CLEC16A: variants seen among roughly 807,000 people sequenced by gnomAD.
CLEC16A encodes C-type lectin domain containing 16A.
A neutral mutation model predicts 109.5 loss-of-function variants in CLEC16A; 51 were observed. That is an observed-to-expected ratio of 0.47 (90% confidence interval 0.37 to 0.59). The LOEUF is 0.59. CLEC16A is among the 20% of genes least tolerant of loss of function. The pLI is 0.00. For synonymous variants in CLEC16A, 673 were observed against 564.2 expected (o/e 1.19, Z -2.73); for missense variants, 1,339 against 1,394.0 (o/e 0.96, Z 0.63).
chr16:11,118,348 C>T (rs1009215914), intron 19 of CLEC16A, among the ~76,000 whole-genome samples: 2 of 143,044 alleles, frequency 1.4e-5, no homozygotes, highest in African/African-American at 2.7e-5. Flanking sequence ...TCATTTAACG[C>T]ACCAAACAAT....
intron 11 of CLEC16A, among the ~76,000 whole-genome samples, chr16:11,019,601 T>A (rs2045973007): frequency 6.6e-6 from 1 of 152,244 alleles, no homozygotes; most frequent in East Asian, 1.9e-4. Flanking sequence ...AAACTCTGTC[T>A]CTACGAAAAA....
intron 22 of CLEC16A, among the ~76,000 whole-genome samples, chr16:11,127,653 G>C (rs1387966745): frequency 2.0e-5 from 3 of 152,144 alleles, no homozygotes; most frequent in Non-Finnish European, 4.4e-5. Flanking sequence ...CGGATTGCTT[G>C]AGCCCAGGAG....
At chr16:11,002,213 C>A (rs2044708675) in intron 10 of CLEC16A, among the ~76,000 whole-genome samples, 1 of 152,124 alleles carries the variant, frequency 6.6e-6, no homozygotes, top group African/African-American at 2.4e-5. Context: ...CATGCAGTTG[C>A]TATAAAGTTC....
intron 19 of CLEC16A, among the ~76,000 whole-genome samples, chr16:11,098,719 G>A (rs945637212): frequency 8.5e-5 from 13 of 152,232 alleles, no homozygotes; most frequent in Non-Finnish European, 5.9e-5. Flanking sequence ...CTCCCAAGAC[G>A]CTGTGTGTGA....
intron 19 of CLEC16A, among the ~76,000 whole-genome samples, chr16:11,108,691 C>T (rs1185665263): frequency 6.6e-6 from 1 of 152,228 alleles, no homozygotes; most frequent in Non-Finnish European, 1.5e-5. Flanking sequence ...TTGGGGAAGT[C>T]ACTTGTCCTG....
intron 23 of CLEC16A, among the ~76,000 whole-genome samples, chr16:11,173,012 C>A (rs1241506548): frequency 6.6e-6 from 1 of 152,124 alleles, no homozygotes; most frequent in Non-Finnish European, 1.5e-5. Context: ...AGGGAGCTTC[C>A]CCGGCTTCCC....
intron 18 of CLEC16A, among the ~76,000 whole-genome samples, chr16:11,059,728 C>T (rs1261877636): frequency 6.6e-6 from 1 of 152,182 alleles, no homozygotes; most frequent in Non-Finnish European, 1.5e-5. Context: ...AGTGGTTTGT[C>T]CCCCCAACCC....
intron 23 of CLEC16A, among the ~76,000 whole-genome samples, chr16:11,171,593 G>A (rs1379176916): frequency 6.6e-6 from 1 of 152,198 alleles, no homozygotes; most frequent in Non-Finnish European, 1.5e-5. Context: ...AAATTGCAGG[G>A]TTGGAATCAG....
chr16:11,155,037 C>T (rs148625119), intron 22 of CLEC16A, among the ~76,000 whole-genome samples: 1 of 152,130 alleles, frequency 6.6e-6, no homozygotes, highest in African/African-American at 2.4e-5. Flanking sequence ...GTGGGAGGAT[C>T]AGCTGAGCCT....
intron 18 of CLEC16A, among the ~76,000 whole-genome samples, chr16:11,053,815 A>T (rs937868037): frequency 1.3e-5 from 2 of 152,148 alleles, no homozygotes; most frequent in African/African-American, 4.8e-5. Flanking sequence ...TGCTTCCCAC[A>T]CTGCCTTCTT....
At chr16:11,151,452 T>A (rs574975223) in intron 22 of CLEC16A, among the ~76,000 whole-genome samples, 90 of 152,348 alleles carry the variant, frequency 5.9e-4, no homozygotes, top group African/African-American at 2.1e-3. Flanking sequence ...TCTGCACATA[T>A]GTGTGCGCCT....
In CLEC16A at chr16:10,962,241, G is replaced by A. The variant is rs893029672; in HGVS notation, c.210-214G>A. On this transcript the variant is annotated intron_variant, in intron 2 of 23. Transcript: ENST00000409790. ...TGGGATTGCAGGCATGAGCCACTGT[G>A]CCCAGATCTAAAACTCATTTAATAC... Among the ~76,000 whole-genome samples the A allele has an allele frequency of 3.3e-5, 5 of 152,090 alleles. No individual in the cohort carries two copies. The East Asian group carries it at 9.6e-4, about 29-fold the overall frequency.
At chr16:10,978,799 C>G (rs2043158850) in intron 8 of CLEC16A, among the ~76,000 whole-genome samples, 1 of 152,224 alleles carries the variant, frequency 6.6e-6, no homozygotes, top group Non-Finnish European at 1.5e-5. Context: ...TTTCCTAACT[C>G]TGTGACCTAA....
chr16:11,047,092 T>A (rs924255194), intron 16 of CLEC16A, among the ~76,000 whole-genome samples, 200 bp from the exon 17 acceptor site: 1 of 152,208 alleles, frequency 6.6e-6, no homozygotes, highest in Non-Finnish European at 1.5e-5. Context: ...AAATTTTGAA[T>A]AGTGCAATTT....
At position 10,972,978 on chromosome 16, in the gene CLEC16A, T is replaced by C; in HGVS notation, c.645T>C (p.Thr215=). The part of the protein sequence containing the change: ...QAMLHYIRDK[T]AVPYFSNLVW... ...TGCTGCACTACATCCGAGATAAAAC[T>C]GCTGTTCCTTACTTCTCCAATTTGG... Residue 215 remains threonine, a synonymous_variant, in exon 7 of 24, where the codon ACT becomes ACC. Coordinates refer to ENST00000409790, the MANE Select transcript of CLEC16A (RefSeq NM_015226.3). The C allele has an allele frequency of 1.2e-6, 2 of 1,612,068 alleles. No homozygotes were observed. The highest frequency in any genetic ancestry group is 1.3e-5 in the African/African-American group (1 of 74,538).
chr16:11,009,514 C>G (rs1464114893), intron 11 of CLEC16A, among the ~76,000 whole-genome samples: 1 of 152,208 alleles, frequency 6.6e-6, no homozygotes, highest in Non-Finnish European at 1.5e-5. Flanking sequence ...AGTTCCTGCT[C>G]CCAGCTTTGC....
chr16:10,974,665 C>T (rs562143846), intron 7 of CLEC16A, among the ~76,000 whole-genome samples: 9 of 152,204 alleles, frequency 5.9e-5, no homozygotes, highest in Admixed American at 2.0e-4. Flanking sequence ...GTGAGAGGTG[C>T]ACCTAGATGG....
chr16:11,068,553 C>T (rs2048888864), intron 19 of CLEC16A, among the ~76,000 whole-genome samples: 1 of 152,156 alleles, frequency 6.6e-6, no homozygotes, highest in Non-Finnish European at 1.5e-5. Context: ...TTCTTGGTTA[C>T]CACAAACACA....
At chr16:11,152,484 C>G (rs574104509) in intron 22 of CLEC16A, among the ~76,000 whole-genome samples, 1 of 152,206 alleles carries the variant, frequency 6.6e-6, no homozygotes, top group East Asian at 1.9e-4. Flanking sequence ...GGGGCCCAAG[C>G]TCTGTGTTTG....
Sources: gnomAD v4.1 joint callset for allele counts (sites outside exome capture counted in the v4.1 genomes callset) on GRCh38, gnomAD v4.1.1 for gene constraint, MANE v1.5 for transcripts, NCBI Gene and HGNC (gene_info 2026-07-23, HGNC 2026-07-21) for gene names.